The following GGTLC2 variants were observed in gnomAD, a reference collection of about 807,000 sequenced individuals.
GGTLC2 encodes glutathione hydrolase light chain 2.
GGTLC2 carries 13 observed loss-of-function variants against 20.2 expected under a neutral mutation model. The observed-to-expected ratio is 0.64, with a 90% CI of 0.42 to 1.02. GGTLC2 has a LOEUF of 1.02. Among genes scored for constraint, GGTLC2 ranks in the 50% least tolerant of loss-of-function variants. GGTLC2 has a pLI of 0.00. For synonymous variants in GGTLC2, 89 were observed against 125.5 expected, an observed-to-expected ratio of 0.71 and a Z score of 1.94; for missense variants, 202 against 301.3, an observed-to-expected ratio of 0.67 and a Z score of 2.44.
At chr22:22,645,294 C>T (rs928688426) in intron 1 of GGTLC2, among the ~76,000 whole-genome samples, 2 of 151,540 alleles carry the variant, frequency 1.3e-5, no homozygotes, top group Admixed American at 6.6e-5. Context: ...TCCTCCTCGC[C>T]ACTGCCTTGG....
intron 5 of GGTLC2, 71 bp downstream of exon 5, chr22:22,647,361 C>G: frequency 6.2e-7 from 1 of 1,605,748 alleles, no homozygotes; most frequent in Non-Finnish European, 8.5e-7. Flanking sequence ...AGGCCTGGAT[C>G]ATCACAGAGT....
rs59436185 is a variant in GGTLC2, at chr22:22,646,538, C to A, written c.176+17C>A. ...CAACCTCTAGTAGGGGCTGCTGGGC[C>A]GCCTGGGTGGGAAAGGGCCAGGGGC... On this transcript the variant is annotated intron_variant, in intron 2 of 5. Coordinates refer to ENST00000448514, the MANE Select transcript of GGTLC2 (RefSeq NM_199127.3). The A allele has an allele frequency of 0.019, 28,804 of 1,533,830 alleles. 1,379 individuals carry two copies. Among genetic ancestry groups the A allele is most frequent in the African/African-American group, 0.19 (13,676 of 72,854 alleles).
chr22:22,645,477 T>C (rs5759243), intron 1 of GGTLC2, among the ~76,000 whole-genome samples: 68,693 of 137,692 alleles, frequency 0.5, 17,461 homozygotes, highest in East Asian at 0.73. Context: ...CTGACCATCC[T>C]CAAACCTGCC....
At chr22:22,645,182 G>A (rs1369358488) in intron 1 of GGTLC2, among the ~76,000 whole-genome samples, 3 of 151,508 alleles carry the variant, frequency 2.0e-5, no homozygotes, top group Non-Finnish European at 4.4e-5. Context: ...CCAAAGTGCT[G>A]GGATTACAGG....
intron 1 of GGTLC2, 85 bp from the exon 2 acceptor site, chr22:22,646,227 G>A: frequency 1.4e-6 from 2 of 1,437,090 alleles, no homozygotes; most frequent in Non-Finnish European, 1.9e-6. Context: ...AAGGTTGTGG[G>A]TGCCAGAGGG....
chr22:22,645,319 C>T (rs1369065085), intron 1 of GGTLC2, among the ~76,000 whole-genome samples: 1 of 151,124 alleles, frequency 6.6e-6, no homozygotes, highest in Non-Finnish European at 1.5e-5. Flanking sequence ...CTTGGCCAGG[C>T]TCATGGCATC....
intron 1 of GGTLC2, among the ~76,000 whole-genome samples, chr22:22,645,184 G>A (rs1295950385): frequency 6.6e-6 from 1 of 151,438 alleles, no homozygotes; most frequent in Non-Finnish European, 1.5e-5. Context: ...AAAGTGCTGG[G>A]ATTACAGGCG....
In GGTLC2 at chr22:22,646,324, G is replaced by T. The variant is rs2064085216; in HGVS notation, c.-22G>T. 1 of 1,357,156 alleles carries T rather than the reference G, an allele frequency of 7.4e-7. No individual in the cohort carries two copies. Among genetic ancestry groups the T allele is most frequent in the Admixed American group, 2.2e-5 (1 of 44,710 alleles). The allele number at this position is 1,357,156 out of a possible 1,614,324, so 84.1% of individuals were successfully genotyped here. ...CCCACCTCCTCAGGCCAGCTCTGGG[G>T]TCTCGGCAGGTGGTCCACAACATGA... is the stretch of plus-strand genomic sequence containing the variant. On this transcript the variant is annotated 5_prime_UTR_variant, in exon 2 of 6. Coordinates refer to ENST00000448514, the MANE Select transcript of GGTLC2 (RefSeq NM_199127.3).
rs768865213 is a variant in GGTLC2 at position 22,647,201 on chromosome 22, G to C, written c.421G>C (p.Gly141Arg). 5 of 1,611,350 alleles carry C rather than the reference G, an allele frequency of 3.1e-6. No individual in the cohort carries two copies. The highest frequency in any genetic ancestry group is 1.1e-5 in the South Asian group (1 of 90,960). The change falls in exon 5 of 6, where the codon GGC (glycine) becomes CGC (arginine). Residue 141 changes from glycine to arginine, a missense_variant. Coordinates refer to ENST00000448514, the MANE Select transcript of GGTLC2 (RefSeq NM_199127.3). ...PQAIIYNLWF[G>R]YDVKRAVEEP... ...GGCCATCATCTACAACCTCTGGTTC[G>C]GCTATGACGTGAAGCGGGCCGTGGA...
chr22:22,645,821 G>A (rs1357120815), intron 1 of GGTLC2, among the ~76,000 whole-genome samples: 545 of 151,158 alleles, frequency 3.6e-3, no homozygotes, highest in Non-Finnish European at 6.7e-3. Flanking sequence ...ACCTGCCTCA[G>A]GGCCTTTGCA....
chr22:22,646,511 A>G lies in GGTLC2; in HGVS notation c.166A>G (p.Ile56Val). 1 of 1,565,238 alleles carries G rather than the reference A, an allele frequency of 6.4e-7. No individual in the cohort carries two copies. The highest frequency in any genetic ancestry group is 8.6e-7 in the Non-Finnish European group (1 of 1,157,706). Residue 56 changes from isoleucine (I) to valine (V), a missense_variant, in exon 2 of 6, where the codon ATC (isoleucine) becomes GTC (valine). Coordinates refer to ENST00000448514, the MANE Select transcript of GGTLC2 (RefSeq NM_199127.3). ...CAGTGCTGTGTCCGCCACCAGCACC[A>G]TCAACCTCTAGTAGGGGCTGCTGGG... ...DGSAVSATST[I>V]NLYFGSKVRS... is the part of the protein sequence containing the mutation.
At chr22:22,644,984 C>G (rs1352860417) in intron 1 of GGTLC2, among the ~76,000 whole-genome samples, 1 of 134,462 alleles carries the variant, frequency 7.4e-6, no homozygotes, top group Non-Finnish European at 1.5e-5. Flanking sequence ...GCTCCGCCTA[C>G]CGGGTTCACG....
rs541898269 is a variant in GGTLC2 at position 22,647,266 on chromosome 22, G to A, written c.486G>A (p.Thr162=). The A allele has an allele frequency of 3.2e-5, 51 of 1,611,076 alleles. No individual in the cohort carries two copies. The highest frequency in any genetic ancestry group is 2.9e-4 in the South Asian group (26 of 90,948). The change falls in exon 5 of 6, where the codon ACG becomes ACA. Residue 162 remains threonine, a synonymous_variant. Transcript: ENST00000448514. ...ACAACCAGCTTCTGCCCAACGTCAC[G>A]ACAGTGGAGAGAAACATTGACCAGG... ...RLHNQLLPNV[T]TVERNIDQAV...
In GGTLC2 at chr22:22,647,275, G is replaced by C. The variant is rs1279721526; in HGVS notation, c.495G>C (p.Glu165Asp). 2.5e-6 allele frequency: 4 copies of C among 1,610,898 alleles called. No homozygotes were observed. In the South Asian group the frequency reaches 3.3e-5, roughly 13 times the overall value. The change falls in exon 5 of 6, where the codon GAG (glutamate) becomes GAC (aspartate). Residue 165 changes from glutamate to aspartate, a missense_variant. Glu to Asp is a conservative substitution (Grantham distance 45, BLOSUM62 2). This residue lies in a region of GGTLC2 where 65 missense variants were observed against 87.5 expected (regional missense o/e 0.74). Coordinates refer to ENST00000448514, the MANE Select transcript of GGTLC2 (RefSeq NM_199127.3). The stretch of plus-strand genomic sequence containing the variant: ...TTCTGCCCAACGTCACGACAGTGGA[G>C]AGAAACATTGACCAGGTGGGCCGGG... ...NQLLPNVTTV[E>D]RNIDQAVTAA...
chr22:22,645,154 A>G (rs1301710505), intron 1 of GGTLC2, among the ~76,000 whole-genome samples: 1 of 151,142 alleles, frequency 6.6e-6, no homozygotes, highest in Non-Finnish European at 1.5e-5. Flanking sequence ...AAGTGCTGGC[A>G]TTACAGGCCT....
intron 1 of GGTLC2, among the ~76,000 whole-genome samples, chr22:22,645,517 C>T (rs1190967409): frequency 2.0e-4 from 30 of 150,240 alleles, no homozygotes; most frequent in African/African-American, 6.4e-4. Context: ...CGCTAGTCGG[C>T]GCCATCCTTG....
rs751418418 is a variant in GGTLC2, at chr22:22,647,234, C to T, written c.454C>T (p.Arg152Trp). The change falls in exon 5 of 6, where the codon CGG becomes TGG. Residue 152 changes from arginine (R) to tryptophan (W), a missense_variant. Arg to Trp is a moderately radical substitution (Grantham distance 101, BLOSUM62 -3). Around this residue, in one of 4 missense-constraint regions of GGTLC2, gnomAD observed 65 missense variants for 87.5 expected, o/e 0.74. Transcript: ENST00000448514. ...YDVKRAVEEP[R>W]LHNQLLPNVT... is the part of the protein sequence containing the mutation. The stretch of plus-strand genomic sequence containing the variant: ...CGTGAAGCGGGCCGTGGAGGAGCCC[C>T]GGCTGCACAACCAGCTTCTGCCCAA... The T allele has an allele frequency of 1.7e-5, 27 of 1,611,086 alleles. No homozygotes were observed. The highest frequency in any genetic ancestry group is 2.3e-4 in the Middle Eastern group (1 of 4,444).
At position 22,645,375 on chromosome 22, in the gene GGTLC2, G is replaced by A. The variant is rs536985444; in HGVS notation, c.-35+667G>A. Among the ~76,000 whole-genome samples, 1,482 of 149,456 alleles carry A rather than the reference G, an allele frequency of 9.9e-3. 12 individuals are homozygous for A. The highest frequency in any genetic ancestry group is 0.019 in the African/African-American group (779 of 40,970). ...TACCTCCATGTTCATCTCTCAGCCCGCCCTTGCCCGTGAACCCATGCTTAT... is the reference window on the plus strand; with the variant it reads ...TACCTCCATGTTCATCTCTCAGCCCACCCTTGCCCGTGAACCCATGCTTAT... On this transcript the variant is annotated intron_variant, in intron 1 of 5. Coordinates refer to ENST00000448514, the MANE Select transcript of GGTLC2 (RefSeq NM_199127.3).
In GGTLC2 at chr22:22,645,496, A is replaced by C. The variant is rs1255555565; in HGVS notation, c.-35+788A>C. ...CCATCCTCAAACCTGCCCCTTCTGCAGGGTTTACCTCGCTAGTCGGCGCCA... is the reference window on the plus strand; with the variant it reads ...CCATCCTCAAACCTGCCCCTTCTGCCGGGTTTACCTCGCTAGTCGGCGCCA... On this transcript the variant is annotated intron_variant, in intron 1 of 5. Transcript: ENST00000448514. Among the ~76,000 whole-genome samples the C allele has an allele frequency of 1.4e-4, 21 of 150,566 alleles. No individual in the cohort carries two copies. The East Asian group carries it at 2.4e-3, about 18-fold the overall frequency.
Sources: allele counts gnomAD v4.1 joint callset (sites outside exome capture counted in the v4.1 genomes callset), GRCh38; gene constraint gnomAD v4.1.1; regional missense constraint gnomAD v4.1.1; transcripts MANE v1.5; gene names NCBI Gene and HGNC (gene_info 2026-07-23, HGNC 2026-07-21).